The following GALNT8 variants were observed in gnomAD, a reference collection of about 807,000 sequenced individuals.
GALNT8 encodes probable polypeptide N-acetylgalactosaminyltransferase 8.
GALNT8 carries 66 observed loss-of-function variants against 62.7 expected under a neutral mutation model. The observed-to-expected ratio is 1.05, with a 90% CI of 0.86 to 1.29. GALNT8 has a LOEUF of 1.29. Ranked by LOEUF, GALNT8 falls within the 50% of genes most tolerant of loss-of-function variation. GALNT8 has a pLI of 0.00. For missense variants in GALNT8, 771 were observed against 791.8 expected, an observed-to-expected ratio of 0.97 and a Z score of 0.32; for synonymous variants, 288 against 294.3, an observed-to-expected ratio of 0.98 and a Z score of 0.22.
chr12:4,742,205 A>G (rs1333377057), intron 3 of GALNT8, among the ~76,000 whole-genome samples: 3 of 152,102 alleles, frequency 2.0e-5, no homozygotes, highest in African/African-American at 7.2e-5. Flanking sequence ...CACCTATCTC[A>G]GTGTTATTTG....
intron 10 of GALNT8, among the ~76,000 whole-genome samples, chr12:4,769,249 G>A (rs1280771604): frequency 6.6e-6 from 1 of 152,218 alleles, no homozygotes; most frequent in African/African-American, 2.4e-5. Flanking sequence ...TTTGGGGAAA[G>A]AGGAAGTGGG....
intron 6 of GALNT8, 128 bp downstream of exon 6, chr12:4,746,386 T>G (rs1946300088): frequency 1.5e-6 from 1 of 654,882 alleles, no homozygotes; most frequent in African/African-American, 1.8e-5. Flanking sequence ...TTCTTATGTT[T>G]CTAGGCAACT....
rs553092047 is a variant in GALNT8, at chr12:4,741,272, G to A, written c.676+1943G>A. ...ACCTTCCTCTTTTTTTATTTCCAAT[G>A]TAACTAAACAAAAAATAAGAAGGTA... On this transcript the variant is annotated intron_variant, in intron 3 of 10. Transcript: ENST00000252318. Among the ~76,000 whole-genome samples the A allele has an allele frequency of 1.9e-4, 29 of 152,062 alleles. No individual in the cohort carries two copies. The South Asian group carries it at 5.4e-3, about 28-fold the overall frequency.
intron 6 of GALNT8, among the ~76,000 whole-genome samples, chr12:4,757,468 C>T (rs145360964): frequency 9.1e-4 from 139 of 152,290 alleles, no homozygotes; most frequent in African/African-American, 3.2e-3. Context: ...ATAAGCAGTT[C>T]AGGATTGATA....
chr12:4,767,850 T>C lies in GALNT8; in HGVS notation c.1761+2304T>C, dbSNP rs149931434. Among the ~76,000 whole-genome samples, 46 of 152,352 alleles carry C rather than the reference T, an allele frequency of 3.0e-4. 1 individual carries two copies. The East Asian group carries it at 8.1e-3, about 27-fold the overall frequency. ...AAAACATTTAATGAGATAGTGTGTG[T>C]AAAGCATTTAGCATGGTACTCGGTG... On this transcript the variant is annotated intron_variant, in intron 10 of 10. Transcript: ENST00000252318.
chr12:4,765,333 G>A lies in GALNT8; in HGVS notation c.1594-46G>A, dbSNP rs1280405116. 2.7e-6 allele frequency: 4 copies of A among 1,460,272 alleles called. No homozygotes were observed. In the South Asian group the frequency reaches 5.7e-5, roughly 21 times the overall value. The allele number at this position is 1,460,272 out of a possible 1,614,324, so 90.5% of individuals were successfully genotyped here. A position where few individuals can be genotyped will look rare whatever the true frequency, so the allele number is the denominator to read the frequency against. On this transcript the variant is annotated intron_variant, in intron 9 of 10. Coordinates refer to ENST00000252318, the MANE Select transcript of GALNT8 (RefSeq NM_017417.2). ...CTAGGGTCTCCTGCTGGCTGACAAT[G>A]CCTATGGTGAGCCCTCTGCTTTTTT...
Position 4,739,312 on chromosome 12 carries a change from A to T in GALNT8, c.659A>T (p.Asp220Val), listed in dbSNP as rs746169265. 1.9e-6 allele frequency: 3 copies of T among 1,613,294 alleles called. No individual in the cohort carries two copies. In the Admixed American group the frequency reaches 5.0e-5, roughly 27 times the overall value. Residue 220 changes from aspartate to valine, a missense_variant, in exon 3 of 11, where the codon GAT (aspartate) becomes GTT (valine). Physicochemically the swap from Asp to Val is radical, Grantham distance 152. Coordinates refer to ENST00000252318, the MANE Select transcript of GALNT8 (RefSeq NM_017417.2). ...SRLLKEIILVDDFSSNGELKV... is the reference protein window; with the variant it reads ...SRLLKEIILVVDFSSNGELKV... ...TTGTTGAAGGAAATCATCTTGGTGG[A>T]TGATTTCAGCTCAAATGGTGAGCAA...
Position 4,757,544 on chromosome 12 carries a change from T to A in GALNT8, c.1174-3414T>A, listed in dbSNP as rs535880441. Among the ~76,000 whole-genome samples the A allele has an allele frequency of 7.9e-5, 12 of 152,302 alleles. 1 individual carries two copies. The South Asian group carries it at 2.3e-3, about 29-fold the overall frequency. On this transcript the variant is annotated intron_variant, in intron 6 of 10. Coordinates refer to ENST00000252318, the MANE Select transcript of GALNT8 (RefSeq NM_017417.2). ...TGGTCCTGCCACACTCAACACCATA[T>A]TTGTATTCTAGCCAGTAGGAAGATA...
intron 10 of GALNT8, among the ~76,000 whole-genome samples, chr12:4,769,737 C>T (rs1472957765): frequency 6.6e-6 from 1 of 151,696 alleles, no homozygotes; most frequent in Non-Finnish European, 1.5e-5. Context: ...TCTATAAATA[C>T]ACTTCTAGTC....
At chr12:4,740,663 G>A (rs546006234) in intron 3 of GALNT8, among the ~76,000 whole-genome samples, 2 of 152,034 alleles carry the variant, frequency 1.3e-5, no homozygotes, top group Admixed American at 1.3e-4. Flanking sequence ...ATCTCAGATG[G>A]TTTGCCTGCC....
At chr12:4,760,240 T>C (rs926524710) in intron 6 of GALNT8, among the ~76,000 whole-genome samples, 1 of 152,240 alleles carries the variant, frequency 6.6e-6, no homozygotes, top group African/African-American at 2.4e-5. Flanking sequence ...ATTCAGTTCC[T>C]TGAAGTCTTC....
At chr12:4,745,749 G>A in intron 5 of GALNT8, 123 bp downstream of exon 5, 1 of 713,432 alleles carries the variant, frequency 1.4e-6, no homozygotes, top group Admixed American at 2.1e-5. Context: ...AGGGGATGAG[G>A]TGAAGGACAA....
In GALNT8 at chr12:4,726,788, G is replaced by C. The variant is rs12579353; in HGVS notation, c.468G>C (p.Gln156His). The C allele has an allele frequency of 6.2e-7, 1 of 1,613,902 alleles. No homozygotes were observed. Among genetic ancestry groups the C allele is most frequent in the African/African-American group, 1.3e-5 (1 of 74,898 alleles). Residue 156 changes from glutamine (Q) to histidine (H), a missense_variant, in exon 2 of 11, where the codon CAG becomes CAC. Physicochemically the swap from Gln to His is conservative, Grantham distance 24 (BLOSUM62 0). Coordinates refer to ENST00000252318, the MANE Select transcript of GALNT8 (RefSeq NM_017417.2). This position sits in a 1 kb window ranked among gnomAD's most constrained non-coding sequence, Gnocchi z 4.1. ...KFGYNAYLSN[Q>H]LPLNRTIPDT... ...GTTACAACGCGTACCTCAGCAACCAGCTGCCTCTCAATCGCACCATCCCCG... is the reference window on the plus strand; with the variant it reads ...GTTACAACGCGTACCTCAGCAACCACCTGCCTCTCAATCGCACCATCCCCG...
At chr12:4,725,738 T>C (rs10047570) in intron 1 of GALNT8, among the ~76,000 whole-genome samples, 61,463 of 151,518 alleles carry the variant, frequency 0.41, 12,662 homozygotes, top group Admixed American at 0.44. Flanking sequence ...GTATTTTTAG[T>C]AGAGACAGGG....
At chr12:4,747,586 G>C (rs1946305624) in intron 6 of GALNT8, among the ~76,000 whole-genome samples, 1 of 151,606 alleles carries the variant, frequency 6.6e-6, no homozygotes, top group Non-Finnish European at 1.5e-5. Context: ...ATACTCTATT[G>C]CATACTACAT....
chr12:4,762,598 G>A (rs1159806377), intron 7 of GALNT8, among the ~76,000 whole-genome samples: 4 of 152,206 alleles, frequency 2.6e-5, no homozygotes, highest in Non-Finnish European at 5.9e-5. Context: ...AAATAAACCT[G>A]AGCGGCCCCA....
intron 1 of GALNT8, among the ~76,000 whole-genome samples, chr12:4,723,299 T>C (rs1162917367): frequency 6.6e-6 from 1 of 151,956 alleles, no homozygotes; most frequent in African/African-American, 2.4e-5. Context: ...AGAGGGAAGA[T>C]CATCAGCTCC....
chr12:4,740,669 C>T (rs1946268165), intron 3 of GALNT8, among the ~76,000 whole-genome samples: 1 of 152,186 alleles, frequency 6.6e-6, no homozygotes, highest in Non-Finnish European at 1.5e-5. Flanking sequence ...GATGGTTTGC[C>T]TGCCTCGGCC....
chr12:4,757,960 T>C (rs760374898), intron 6 of GALNT8, among the ~76,000 whole-genome samples: 1 of 152,198 alleles, frequency 6.6e-6, no homozygotes. Flanking sequence ...AAGCCCTCAT[T>C]ATTTCTGAGT....
Sources: allele counts gnomAD v4.1 joint callset (sites outside exome capture counted in the v4.1 genomes callset), GRCh38; gene constraint gnomAD v4.1.1; non-coding constraint Gnocchi (gnomAD v3.1); transcripts MANE v1.5; gene names NCBI Gene and HGNC (gene_info 2026-07-23, HGNC 2026-07-21).